MAPK10: variants seen among roughly 807,000 people sequenced by gnomAD.
The protein encoded by MAPK10 is JNK3 alpha protein kinase.
Under a neutral mutation model 59.3 loss-of-function variants are expected in MAPK10, and 25 were observed. That is an observed-to-expected ratio of 0.42 (90% confidence interval 0.31 to 0.59). The LOEUF is 0.59. MAPK10 is among the 20% of genes least tolerant of loss of function. The pLI is 0.15. For missense variants in MAPK10, 351 were observed against 568.9 expected, an observed-to-expected ratio of 0.62 and a Z score of 3.90; for synonymous variants, 190 against 200.5, an observed-to-expected ratio of 0.95 and a Z score of 0.44.
At chr4:86,105,539 G>A (rs2056382391) in intron 5 of MAPK10, among the ~76,000 whole-genome samples, 1 of 152,092 alleles carries the variant, frequency 6.6e-6, no homozygotes, top group Non-Finnish European at 1.5e-5. Context: ...GAATGAGGAT[G>A]AGGGAAATAT....
At chr4:86,559,197 T>A (rs1034131810) in intron 1 of MAPK10, among the ~76,000 whole-genome samples, 1 of 152,106 alleles carries the variant, frequency 6.6e-6, no homozygotes, top group Non-Finnish European at 1.5e-5. Context: ...AAAATTTATG[T>A]TTAGGTTTAA....
At chr4:86,495,006 G>A (rs1754767780) in intron 1 of MAPK10, among the ~76,000 whole-genome samples, 1 of 151,816 alleles carries the variant, frequency 6.6e-6, no homozygotes. Flanking sequence ...AGAAACCTTG[G>A]CCTTTTGGTT....
intron 11 of MAPK10, among the ~76,000 whole-genome samples, chr4:86,060,226 T>C (rs909840232): frequency 2.0e-5 from 3 of 152,150 alleles, no homozygotes; most frequent in Non-Finnish European, 4.4e-5. Context: ...CTAGGCTTCT[T>C]CATGATGATT....
intron 2 of MAPK10, among the ~76,000 whole-genome samples, chr4:86,271,037 A>G (rs1471440514): frequency 1.3e-5 from 2 of 152,084 alleles, no homozygotes; most frequent in Non-Finnish European, 2.9e-5. Context: ...ATAAGTAGTT[A>G]GGAGTAAAAT....
intron 9 of MAPK10, among the ~76,000 whole-genome samples, chr4:86,077,334 G>T (rs2049704473): frequency 6.6e-6 from 1 of 152,022 alleles, no homozygotes; most frequent in Non-Finnish European, 1.5e-5. Flanking sequence ...AGCTTCCTTT[G>T]TTAGGGAACT....
chr4:86,154,325 A>ATTGTAAATAATATTGGTTAACTG (rs2067177245), intron 4 of MAPK10, among the ~76,000 whole-genome samples: 1 of 152,126 alleles, frequency 6.6e-6, no homozygotes. Flanking sequence ...CAACTAACAT[A>ATTGTAAATAATATTGGTTAACTG]TTGTAAATAA....
intron 11 of MAPK10, among the ~76,000 whole-genome samples, chr4:86,044,919 T>C (rs1000938172): frequency 1.6e-4 from 25 of 152,114 alleles, no homozygotes; most frequent in African/African-American, 5.6e-4. Flanking sequence ...ACCAGGTAAT[T>C]CAACAAAACT....
chr4:86,147,590 T>C (rs1562328109), intron 4 of MAPK10, among the ~76,000 whole-genome samples: 1 of 152,202 alleles, frequency 6.6e-6, no homozygotes, highest in Non-Finnish European at 1.5e-5. Context: ...TAACTTATAG[T>C]GACTATTTAT....
intron 6 of MAPK10, chr4:86,102,421 C>A (rs1410923485): frequency 6.0e-6 from 1 of 167,154 alleles, no homozygotes; most frequent in East Asian, 1.6e-4. Flanking sequence ...TTCCTCTCCT[C>A]CATCTGTTGT....
At chr4:86,293,289 T>C (rs988302704) in intron 2 of MAPK10, among the ~76,000 whole-genome samples, 4 of 152,194 alleles carry the variant, frequency 2.6e-5, no homozygotes, top group African/African-American at 9.7e-5. Flanking sequence ...TTCACAGTAC[T>C]TTGAAGAAAT....
At chr4:86,356,542 G>A in intron 1 of MAPK10, 2 of 726,234 alleles carry the variant, frequency 2.8e-6, no homozygotes, top group Non-Finnish European at 1.7e-6. Context: ...GAAAACAAAA[G>A]ATATGCAAAA....
chr4:86,257,554 C>G (rs1177267986), intron 2 of MAPK10, among the ~76,000 whole-genome samples: 1 of 152,164 alleles, frequency 6.6e-6, no homozygotes, highest in Non-Finnish European at 1.5e-5. Flanking sequence ...CACAGTCTCC[C>G]TCTTCATCAC....
At chr4:86,279,913 A>C (rs192972866) in intron 2 of MAPK10, among the ~76,000 whole-genome samples, 7 of 152,326 alleles carry the variant, frequency 4.6e-5, no homozygotes, top group Non-Finnish European at 8.8e-5. Flanking sequence ...GTGAGCCATC[A>C]TATGCTCTTC....
At chr4:86,211,931 C>T (rs1172928293) in intron 2 of MAPK10, among the ~76,000 whole-genome samples, 2 of 151,308 alleles carry the variant, frequency 1.3e-5, no homozygotes, top group Non-Finnish European at 2.9e-5. Flanking sequence ...TAGACACATA[C>T]AAAAAACAGT....
At chr4:86,283,113 G>A (rs189916635) in intron 2 of MAPK10, among the ~76,000 whole-genome samples, 1 of 152,238 alleles carries the variant, frequency 6.6e-6, no homozygotes, top group Non-Finnish European at 1.5e-5. Context: ...TGGTTTAGCA[G>A]GAGTTTTATT....
intron 1 of MAPK10, among the ~76,000 whole-genome samples, chr4:86,448,487 G>A (rs972093215): frequency 4.0e-5 from 6 of 151,770 alleles, no homozygotes; most frequent in African/African-American, 1.4e-4. Context: ...AACATAATAT[G>A]TCTTACCATT....
At chr4:86,198,452 G>A (rs1181248786) in intron 2 of MAPK10, among the ~76,000 whole-genome samples, 1 of 152,040 alleles carries the variant, frequency 6.6e-6, no homozygotes, top group African/African-American at 2.4e-5. Context: ...AAAGACCCTC[G>A]TATCTGACCC....
intron 9 of MAPK10, chr4:86,091,342 T>C (rs1020133182): frequency 4.9e-4 from 75 of 151,826 alleles, no homozygotes; most frequent in African/African-American, 1.8e-3. Context: ...TATTTTATTG[T>C]TGAAACCACT....
chr4:86,403,729 T>A (rs1744012940), intron 1 of MAPK10, among the ~76,000 whole-genome samples: 1 of 151,908 alleles, frequency 6.6e-6, no homozygotes, highest in Non-Finnish European at 1.5e-5. Flanking sequence ...AATAAAACCA[T>A]CAGATCTCGT....
Sources: allele counts gnomAD v4.1 joint callset (sites outside exome capture counted in the v4.1 genomes callset), GRCh38; gene constraint gnomAD v4.1.1; transcripts MANE v1.5; gene names NCBI Gene and HGNC (gene_info 2026-07-23, HGNC 2026-07-21).